MEGF11: variants seen among roughly 807,000 people sequenced by gnomAD.
MEGF11 encodes the protein multiple EGF like domains 11.
MEGF11 carries 126 observed loss-of-function variants against 146.6 expected under a neutral mutation model. The observed-to-expected ratio is 0.86, with a 90% confidence interval of 0.74 to 1.00. MEGF11 has a LOEUF of 1.00. Ranked by LOEUF, MEGF11 falls within the 50% of genes least tolerant of loss-of-function variation. The probability of loss-of-function intolerance (pLI) is 0.00; values close to 1 mark genes in which losing one functional copy is unlikely to be tolerated. For synonymous variants in MEGF11, 532 were observed against 583.4 expected, an observed-to-expected ratio of 0.91 and a Z score of 1.27; for missense variants, 1,509 against 1,521.2, an observed-to-expected ratio of 0.99 and a Z score of 0.13.
intron 1 of MEGF11, among the ~76,000 whole-genome samples, chr15:66,233,953 T>TC (rs766288427): frequency 1.3e-5 from 1 of 79,076 alleles, no homozygotes; most frequent in Non-Finnish European, 3.8e-5. Flanking sequence ...TTCTTTTTCT[T>TC]TTTTTTTTTT....
chr15:66,017,091 C>T (rs1301079578), intron 5 of MEGF11, among the ~76,000 whole-genome samples: 1 of 152,190 alleles, frequency 6.6e-6, no homozygotes, highest in Admixed American at 6.5e-5. Context: ...AGAAGCACAG[C>T]CCGGGTGAGT....
intron 10 of MEGF11, among the ~76,000 whole-genome samples, chr15:65,957,130 T>C (rs985580921): frequency 1.3e-5 from 2 of 152,168 alleles, no homozygotes; most frequent in African/African-American, 2.4e-5. Flanking sequence ...AAACTGGGGG[T>C]ACATCTGCTC....
At chr15:65,986,543 A>G (rs2081863323) in intron 5 of MEGF11, among the ~76,000 whole-genome samples, 1 of 152,220 alleles carries the variant, frequency 6.6e-6, no homozygotes, top group African/African-American at 2.4e-5. Context: ...GTTATCTAGA[A>G]AATTCACTTA....
chr15:66,203,112 C>G (rs1287061587), intron 1 of MEGF11, among the ~76,000 whole-genome samples: 1 of 152,170 alleles, frequency 6.6e-6, no homozygotes, highest in Non-Finnish European at 1.5e-5. Context: ...TACTCACATA[C>G]CTCAACCCCC....
chr15:66,014,943 G>A (rs3852626), intron 5 of MEGF11, among the ~76,000 whole-genome samples: 2,175 of 146,396 alleles, frequency 0.015, 52 homozygotes, highest in African/African-American at 0.051. Context: ...GTGCTTGTAC[G>A]CGCTCAACAA....
At chr15:66,102,406 G>A (rs191316525) in intron 4 of MEGF11, among the ~76,000 whole-genome samples, 2 of 144,254 alleles carry the variant, frequency 1.4e-5, no homozygotes, top group Admixed American at 1.4e-4. Flanking sequence ...TTTATTTGCT[G>A]TTCTCTCTAA....
At chr15:66,206,083 C>A (rs1218098848) in intron 1 of MEGF11, among the ~76,000 whole-genome samples, 1 of 152,088 alleles carries the variant, frequency 6.6e-6, no homozygotes, top group Admixed American at 6.5e-5. Context: ...AACAAAAAAT[C>A]TCAGCAAAGA....
At chr15:66,069,926 A>G (rs2085294451) in intron 5 of MEGF11, among the ~76,000 whole-genome samples, 1 of 152,316 alleles carries the variant, frequency 6.6e-6, no homozygotes, top group East Asian at 1.9e-4. Flanking sequence ...GTTCCAATAA[A>G]ACTTTATTTA....
intron 5 of MEGF11, among the ~76,000 whole-genome samples, chr15:66,003,937 C>G (rs1278252865): frequency 6.6e-6 from 1 of 152,196 alleles, no homozygotes; most frequent in Non-Finnish European, 1.5e-5. Flanking sequence ...CAAGGCAAGT[C>G]CATTTGATTT....
chr15:66,238,001 C>T (rs774094611), intron 1 of MEGF11, among the ~76,000 whole-genome samples: 3 of 152,214 alleles, frequency 2.0e-5, no homozygotes, highest in Non-Finnish European at 4.4e-5. Context: ...AATATCTATA[C>T]TGAAGCTACT....
At chr15:66,225,297 T>C (rs2091828825) in intron 1 of MEGF11, among the ~76,000 whole-genome samples, 1 of 152,214 alleles carries the variant, frequency 6.6e-6, no homozygotes, top group Non-Finnish European at 1.5e-5. Context: ...AAAAGAGGCC[T>C]CTTCAGCATG....
chr15:66,118,847 C>CA lies in MEGF11; in HGVS notation c.301+238dup, dbSNP rs1263453154. 9.2e-5 allele frequency among the ~76,000 whole-genome samples: 14 copies of CA among 152,334 alleles called. 1 individual carries two copies. The highest frequency in any genetic ancestry group is 7.2e-4 in the Admixed American group (11 of 15,306). On this transcript the variant is annotated intron_variant, in intron 4 of 25. Coordinates refer to ENST00000395614, the MANE Select transcript of MEGF11 (RefSeq NM_001385028.1). ...CTATCCCCCATCAAGGCCTTGAACT[C>CA]ACGCACTTCCATCCACCCTGTAAGG...
At chr15:66,220,529 T>A (rs1035667825) in intron 1 of MEGF11, among the ~76,000 whole-genome samples, 44 of 13,812 alleles carry the variant, frequency 3.2e-3, no homozygotes, top group African/African-American at 0.023. Flanking sequence ...TCGTTGGGTT[T>A]TTTTTTTTTT....
Position 66,103,174 on chromosome 15 carries a change from G to A in MEGF11, c.302-8680C>T, listed in dbSNP as rs563396787. On this transcript the variant is annotated intron_variant, in intron 4 of 25. Coordinates refer to ENST00000395614, the MANE Select transcript of MEGF11 (RefSeq NM_001385028.1). The stretch of plus-strand genomic sequence containing the variant: ...GACCGCACACAGTGGGGGTCAGACC[G>A]GCAGCTGCAGCCATATCCCATCAGC... 2.6e-3 allele frequency among the ~76,000 whole-genome samples: 402 copies of A among 152,288 alleles called. 2 individuals are homozygous for A. Among genetic ancestry groups the A allele is most frequent in the Non-Finnish European group, 3.9e-3 (262 of 68,010 alleles).
intron 23 of MEGF11, among the ~76,000 whole-genome samples, chr15:65,906,397 C>T (rs113225850): frequency 0.011 from 1,649 of 152,300 alleles, 23 homozygotes; most frequent in African/African-American, 0.036. Context: ...CAGCGACCCC[C>T]GGCATATTCA....
intron 1 of MEGF11, among the ~76,000 whole-genome samples, chr15:66,241,393 C>A (rs1280758238): frequency 2.0e-5 from 3 of 152,218 alleles, no homozygotes; most frequent in African/African-American, 4.8e-5. Context: ...AATATAATGA[C>A]CTTCAAGAAG....
chr15:66,172,578 C>T (rs1385002181), intron 1 of MEGF11, among the ~76,000 whole-genome samples: 1 of 152,170 alleles, frequency 6.6e-6, no homozygotes, highest in Non-Finnish European at 1.5e-5. Context: ...GTGATCCCCC[C>T]TCTCTCCTAA....
chr15:66,035,060 CT>C (rs2083677065), intron 5 of MEGF11, among the ~76,000 whole-genome samples: 2 of 152,106 alleles, frequency 1.3e-5, no homozygotes. Flanking sequence ...AAATCCTTTT[CT>C]TTATTAATTA....
intron 10 of MEGF11, among the ~76,000 whole-genome samples, chr15:65,950,576 GACACACAGAC>G (rs1567172523): frequency 1.2e-5 from 1 of 80,998 alleles, no homozygotes; most frequent in African/African-American, 5.1e-5. Context: ...GTGAGGCTTA[GACACACAGAC>G]ACACACACAC....
Sources: gnomAD v4.1 joint callset for allele counts (sites outside exome capture counted in the v4.1 genomes callset) on GRCh38, gnomAD v4.1.1 for gene constraint, MANE v1.5 for transcripts, NCBI Gene and HGNC (gene_info 2026-07-23, HGNC 2026-07-21) for gene names.